ERBB4: variants seen among roughly 807,000 people sequenced by gnomAD.
ERBB4 encodes the protein erb-b2 receptor tyrosine kinase 4, also known as receptor tyrosine-protein kinase erbB-4.
ERBB4 carries 42 observed loss-of-function variants against 158.0 expected under a neutral mutation model. The ratio of observed to expected loss-of-function variants is 0.27; its 90% CI spans 0.21 to 0.34. The LOEUF (loss-of-function observed/expected upper bound fraction) is 0.34. ERBB4 is among the 10% of genes least tolerant of loss of function. The probability of loss-of-function intolerance (pLI) is 1.00; values close to 1 mark genes in which losing one functional copy is unlikely to be tolerated. For missense variants in ERBB4, 1,333 were observed against 1,624.1 expected, an observed-to-expected ratio of 0.82 and a Z score of 3.08; for synonymous variants, 583 against 558.7, an observed-to-expected ratio of 1.04 and a Z score of -0.61.
At chr2:212,279,109 TTAAAA>T (rs1216856228) in intron 1 of ERBB4, among the ~76,000 whole-genome samples, 1 of 151,630 alleles carries the variant, frequency 6.6e-6, no homozygotes, top group Non-Finnish European at 1.5e-5. Context: ...TTGCTTAATT[TTAAAA>T]TAAATATTGT....
intron 4 of ERBB4, among the ~76,000 whole-genome samples, chr2:211,765,275 T>A (rs989113044): frequency 6.6e-6 from 1 of 152,132 alleles, no homozygotes; most frequent in Non-Finnish European, 1.5e-5. Context: ...AGAGGCATCA[T>A]CATGCTTTTT....
At chr2:212,201,689 C>T (rs1411523853) in intron 1 of ERBB4, among the ~76,000 whole-genome samples, 2 of 152,080 alleles carry the variant, frequency 1.3e-5, no homozygotes, top group Non-Finnish European at 2.9e-5. Flanking sequence ...TTGATCCATT[C>T]TTCATTCTGT....
intron 1 of ERBB4, among the ~76,000 whole-genome samples, chr2:212,454,002 G>A (rs940549435): frequency 2.6e-5 from 4 of 150,968 alleles, no homozygotes; most frequent in Non-Finnish European, 5.9e-5. Context: ...ATGCAGTGGT[G>A]CGATCTCAGC....
At chr2:212,107,235 G>A (rs977340353) in intron 2 of ERBB4, among the ~76,000 whole-genome samples, 1 of 152,202 alleles carries the variant, frequency 6.6e-6, no homozygotes, top group Admixed American at 6.5e-5. Flanking sequence ...AGCCACGGGG[G>A]CAGAGCTGCC....
rs557327366 is a variant in ERBB4, at chr2:212,328,345, T to A, written c.83-203442A>T. Reference sequence around the variant, plus strand: ...AATGTTTTAGTGAACAAAGTGGAAGTTGCATCATCTTTTATTACCCAGACT... The same window carrying A: ...AATGTTTTAGTGAACAAAGTGGAAGATGCATCATCTTTTATTACCCAGACT... On this transcript the variant is annotated intron_variant, in intron 1 of 27. Transcript: ENST00000342788. Among the ~76,000 whole-genome samples the A allele has an allele frequency of 1.2e-4, 19 of 152,148 alleles. No individual in the cohort carries two copies. In the South Asian group the frequency reaches 2.3e-3, roughly 18 times the overall value.
chr2:211,541,327 C>T (rs1009747697), intron 20 of ERBB4, among the ~76,000 whole-genome samples: 2 of 151,830 alleles, frequency 1.3e-5, no homozygotes, highest in African/African-American at 4.8e-5. Context: ...TTTGTGTCTC[C>T]CTAGACTATC....
At chr2:211,724,220 T>A (rs2074191656) in intron 6 of ERBB4, among the ~76,000 whole-genome samples, 1 of 152,162 alleles carries the variant, frequency 6.6e-6, no homozygotes, top group Non-Finnish European at 1.5e-5. Context: ...CAATACATAT[T>A]TTTGTTTCAC....
chr2:212,128,526 C>T (rs1013905033), intron 1 of ERBB4, among the ~76,000 whole-genome samples: 1 of 152,092 alleles, frequency 6.6e-6, no homozygotes, highest in South Asian at 2.1e-4. Context: ...GAGAACTGAG[C>T]TAAAAGGAAG....
chr2:212,264,381 T>C (rs2085054627), intron 1 of ERBB4, among the ~76,000 whole-genome samples: 1 of 152,098 alleles, frequency 6.6e-6, no homozygotes, highest in Admixed American at 6.6e-5. Flanking sequence ...CACATCTCAT[T>C]TCTACCCTGC....
chr2:211,889,927 G>C (rs1381006892), intron 3 of ERBB4, among the ~76,000 whole-genome samples: 1 of 133,038 alleles, frequency 7.5e-6, no homozygotes, highest in African/African-American at 2.9e-5. Context: ...ATCTACGTCT[G>C]ATTGGTGTAC....
intron 25 of ERBB4, among the ~76,000 whole-genome samples, chr2:211,415,619 G>A (rs1329687491): frequency 1.3e-5 from 2 of 152,132 alleles, no homozygotes; most frequent in African/African-American, 4.8e-5. Flanking sequence ...TACAGTGTGT[G>A]TGGTAACCTT....
chr2:212,483,732 C>T (rs926508711), intron 1 of ERBB4, among the ~76,000 whole-genome samples: 2 of 151,014 alleles, frequency 1.3e-5, no homozygotes, highest in Admixed American at 6.6e-5. Context: ...AGAATCTAAT[C>T]TTGTCATCAT....
At chr2:212,471,652 A>T (rs1238170845) in intron 1 of ERBB4, among the ~76,000 whole-genome samples, 1 of 151,924 alleles carries the variant, frequency 6.6e-6, no homozygotes, top group Non-Finnish European at 1.5e-5. Context: ...GAAAACGCAC[A>T]ACTTTCTAAA....
chr2:212,202,826 A>G (rs1010252117), intron 1 of ERBB4, among the ~76,000 whole-genome samples: 15 of 152,094 alleles, frequency 9.9e-5, no homozygotes, highest in Non-Finnish European at 2.1e-4. Flanking sequence ...TTTTTAACCA[A>G]AATAAATGAC....
chr2:212,413,652 G>T (rs59123708), intron 1 of ERBB4, among the ~76,000 whole-genome samples: 5,028 of 152,156 alleles, frequency 0.033, 277 homozygotes, highest in African/African-American at 0.11. Flanking sequence ...TGTTATAGCA[G>T]AAAGGGCCCT....
At chr2:212,030,338 A>G (rs555702447) in intron 2 of ERBB4, among the ~76,000 whole-genome samples, 58 of 151,988 alleles carry the variant, frequency 3.8e-4, no homozygotes, top group Non-Finnish European at 6.9e-4. Flanking sequence ...TTTCTCCCCT[A>G]TCCAGTCTCT....
intron 2 of ERBB4, among the ~76,000 whole-genome samples, chr2:212,017,605 C>T (rs959738475): frequency 2.0e-5 from 3 of 152,078 alleles, no homozygotes; most frequent in Non-Finnish European, 4.4e-5. Context: ...AATATTTATT[C>T]CACATCTAAT....
At chr2:212,291,029 A>G (rs1411279806) in intron 1 of ERBB4, among the ~76,000 whole-genome samples, 3 of 152,118 alleles carry the variant, frequency 2.0e-5, no homozygotes, top group South Asian at 2.1e-4. Flanking sequence ...TATGTTTTCT[A>G]TGGCTACTTC....
rs1345219532 is a variant in ERBB4, at chr2:211,580,887, A to G, written c.2302-18799T>C. ...TATACATATATATATATATATATATATATATATATATATATATATATATAT... is the reference window on the plus strand; with the variant it reads ...TATACATATATATATATATATATATGTATATATATATATATATATATATAT... On this transcript the variant is annotated intron_variant, in intron 19 of 27. Transcript: ENST00000342788. Among the ~76,000 whole-genome samples, 3 of 3,436 alleles carry G rather than the reference A, an allele frequency of 8.7e-4. 1 individual carries two copies. Among genetic ancestry groups the G allele is most frequent in the African/African-American group, 6.8e-3 (3 of 444 alleles). The allele number at this position is 3,436 out of a possible 152,430, so 2.3% of individuals were successfully genotyped here. A position where few individuals can be genotyped will look rare whatever the true frequency, so the allele number is the denominator to read the frequency against.
Sources: allele counts gnomAD v4.1 joint callset (sites outside exome capture counted in the v4.1 genomes callset), GRCh38; gene constraint gnomAD v4.1.1; transcripts MANE v1.5; gene names NCBI Gene and HGNC (gene_info 2026-07-23, HGNC 2026-07-21).